MAPT: variants seen among roughly 807,000 people sequenced by gnomAD.
The protein encoded by MAPT is microtubule associated protein tau.
Under a neutral mutation model 67.9 loss-of-function variants are expected in MAPT, and 34 were observed. That is an observed-to-expected ratio of 0.50 (90% confidence interval 0.38 to 0.67). The LOEUF (loss-of-function observed/expected upper bound fraction) is 0.67. MAPT is among the 30% of genes least tolerant of loss of function. The pLI is 0.00. For missense variants in MAPT, 881 were observed against 1,115.2 expected (o/e 0.79, Z 2.99); for synonymous variants, 456 against 464.5 (o/e 0.98, Z 0.23).
intron 1 of MAPT, among the ~76,000 whole-genome samples, chr17:45,954,798 G>A (rs1202014065): frequency 6.6e-6 from 1 of 151,922 alleles, no homozygotes; most frequent in Non-Finnish European, 1.5e-5. Flanking sequence ...GGCTAACACG[G>A]TGAAACCCCG....
chr17:45,903,961 ATATAT>A (rs1211581219), intron 1 of MAPT, among the ~76,000 whole-genome samples: 2 of 25,834 alleles, frequency 7.7e-5, no homozygotes, highest in African/African-American at 2.7e-4. Context: ...ATTATATATT[ATATAT>A]TATATATTAT....
intron 1 of MAPT, among the ~76,000 whole-genome samples, chr17:45,956,366 C>A (rs2069653142): frequency 6.6e-6 from 1 of 151,986 alleles, no homozygotes; most frequent in Non-Finnish European, 1.5e-5. Context: ...CATGCGGGTC[C>A]CTGGCTTCTC....
chr17:45,979,111 C>T (rs2072693254), intron 4 of MAPT: 1 of 152,228 alleles, frequency 6.6e-6, no homozygotes, highest in South Asian at 2.1e-4. Flanking sequence ...CAAGCGATTG[C>T]TTGTAAACTT....
rs1201409768 is a variant in MAPT at position 45,941,705 on chromosome 17, G to GCCTTCCTTCCTT, written c.-17-20576_-17-20565dup. Among the ~76,000 whole-genome samples, 102 of 25,576 alleles carry GCCTTCCTTCCTT rather than the reference G, an allele frequency of 4.0e-3. 3 individuals are homozygous for GCCTTCCTTCCTT. Among genetic ancestry groups the GCCTTCCTTCCTT allele is most frequent in the Middle Eastern group, 0.028 (2 of 72 alleles). The allele number at this position is 25,576 out of a possible 152,430, so 16.8% of individuals were successfully genotyped here. ...CTCCTTCCTTCCTTCCTTCCTGCCT[G>GCCTTCCTTCCTT]CCTTCCTTCCTTCCTTCCTTCCTTC... On this transcript the variant is annotated intron_variant, in intron 1 of 12. Coordinates refer to ENST00000262410, the MANE Select transcript of MAPT (RefSeq NM_001377265.1).
rs571132616 is a variant in MAPT at position 45,899,559 on chromosome 17, A to C, written c.-18+4873A>C. 1.1e-4 allele frequency among the ~76,000 whole-genome samples: 17 copies of C among 152,284 alleles called. No homozygotes were observed. The South Asian group carries it at 3.1e-3, about 28-fold the overall frequency. On this transcript the variant is annotated intron_variant, in intron 1 of 12. Coordinates refer to ENST00000262410, the MANE Select transcript of MAPT (RefSeq NM_001377265.1). ...TGGGTGGTGGAGCTGGTTGCCTGAC[A>C]CTAGTTCCCTCCCCTCTCAGCCACA...
Position 46,027,079 on chromosome 17 carries a change from A to T in MAPT, c.*2908A>T, listed in dbSNP as rs2076836544. ...TGAAGGGATCTGAGAAGGAGAAGGA[A>T]ATGTGGGGTAGATTTGGTGGTGGTT... On this transcript the variant is annotated 3_prime_UTR_variant, in exon 13 of 13. Coordinates refer to ENST00000262410, the MANE Select transcript of MAPT (RefSeq NM_001377265.1). 1 of 152,158 alleles carries T rather than the reference A, an allele frequency of 6.6e-6. No individual in the cohort carries two copies. The highest frequency in any genetic ancestry group is 2.4e-5 in the African/African-American group (1 of 41,414). The allele number at this position is 152,158 out of a possible 1,614,324, so 9.4% of individuals were successfully genotyped here. A position where few individuals can be genotyped will look rare whatever the true frequency, so the allele number is the denominator to read the frequency against.
chr17:45,992,790 G>A (rs1013896802), intron 8 of MAPT, among the ~76,000 whole-genome samples: 2 of 151,912 alleles, frequency 1.3e-5, no homozygotes, highest in South Asian at 2.1e-4. Flanking sequence ...TCTCAGGAGG[G>A]TGAGGAAGGA....
intron 1 of MAPT, among the ~76,000 whole-genome samples, chr17:45,925,631 GATAGA>G (rs1349500938): frequency 3.9e-5 from 6 of 152,210 alleles, no homozygotes; most frequent in African/African-American, 1.4e-4. Context: ...GAAATGGTTA[GATAGA>G]ATAGTATGTA....
chr17:45,940,772 A>G (rs189879026), intron 1 of MAPT, among the ~76,000 whole-genome samples: 105 of 152,264 alleles, frequency 6.9e-4, no homozygotes, highest in African/African-American at 2.5e-3. Flanking sequence ...ATTTTCTGTC[A>G]CTCAGAGGAT....
intron 1 of MAPT, among the ~76,000 whole-genome samples, chr17:45,931,620 GATTA>G (rs2066855095): frequency 6.6e-6 from 1 of 152,046 alleles, no homozygotes. Context: ...TTATTTTCTT[GATTA>G]ATTATTTAAA....
chr17:45,917,827 G>T (rs1337495509), intron 1 of MAPT, among the ~76,000 whole-genome samples: 1 of 151,364 alleles, frequency 6.6e-6, no homozygotes, highest in African/African-American at 2.4e-5. Flanking sequence ...AGGCTGGAGT[G>T]CAGTGGCACG....
intron 1 of MAPT, among the ~76,000 whole-genome samples, chr17:45,921,675 A>C (rs1347810505): frequency 6.6e-6 from 1 of 152,240 alleles, no homozygotes; most frequent in Non-Finnish European, 1.5e-5. Context: ...TCCATGAGAT[A>C]TCCCTATTTG....
chr17:45,910,265 T>C (rs1387124160), intron 1 of MAPT, among the ~76,000 whole-genome samples: 1 of 152,162 alleles, frequency 6.6e-6, no homozygotes, highest in African/African-American at 2.4e-5. Context: ...ATGATCTCAT[T>C]TGATTCTTAA....
At chr17:45,933,279 T>C (rs2067018021) in intron 1 of MAPT, among the ~76,000 whole-genome samples, 1 of 148,544 alleles carries the variant, frequency 6.7e-6, no homozygotes, top group Admixed American at 6.9e-5. Context: ...TCTCTCTCTC[T>C]GTCACCCAGG....
At chr17:45,924,493 A>G (rs767394339) in intron 1 of MAPT, among the ~76,000 whole-genome samples, 1 of 152,204 alleles carries the variant, frequency 6.6e-6, no homozygotes, top group African/African-American at 2.4e-5. Flanking sequence ...GAAGGCAAAC[A>G]AAACAGAAAA....
At chr17:45,988,123 C>T (rs2073746895) in intron 6 of MAPT, among the ~76,000 whole-genome samples, 1 of 152,128 alleles carries the variant, frequency 6.6e-6, no homozygotes, top group African/African-American at 2.4e-5. Context: ...ATACCCCCAC[C>T]CCAGCTTTGC....
At chr17:45,966,612 C>A (rs1025348793) in intron 2 of MAPT, among the ~76,000 whole-genome samples, 1 of 151,962 alleles carries the variant, frequency 6.6e-6, no homozygotes, top group African/African-American at 2.4e-5. Context: ...GAAATAAAGT[C>A]CAGGAAAGAA....
rs78643502 is a variant in MAPT at position 46,009,278 on chromosome 17, C to T, written c.1999-1032C>T. ...CAGAGTTCCTGAGAGGAAAGGTCAC[C>T]GGGTGAGGAAGACGTTCTCACTGAT... On this transcript the variant is annotated intron_variant, in intron 9 of 12. Coordinates refer to ENST00000262410, the MANE Select transcript of MAPT (RefSeq NM_001377265.1). Among the ~76,000 whole-genome samples the T allele has an allele frequency of 3.8e-3, 579 of 152,266 alleles. 1 individual carries two copies. The highest frequency in any genetic ancestry group is 0.013 in the African/African-American group (553 of 41,542).
chr17:46,012,122 G>C (rs766119854), intron 10 of MAPT, among the ~76,000 whole-genome samples: 3 of 152,174 alleles, frequency 2.0e-5, no homozygotes, highest in Non-Finnish European at 2.9e-5. Flanking sequence ...AAGTGAGCTC[G>C]GCCAGAGGAG....
Sources: gnomAD v4.1 joint callset for allele counts (sites outside exome capture counted in the v4.1 genomes callset) on GRCh38, gnomAD v4.1.1 for gene constraint, MANE v1.5 for transcripts, NCBI Gene and HGNC (gene_info 2026-07-23, HGNC 2026-07-21) for gene names.